The following MACROD2 variants were observed in gnomAD, a reference collection of about 807,000 sequenced individuals.
MACROD2 encodes ADP-ribose glycohydrolase MACROD2.
A neutral mutation model predicts 70.4 loss-of-function variants in MACROD2; 36 were observed. The observed-to-expected ratio is 0.51, with a 90% CI of 0.39 to 0.68. MACROD2 has a LOEUF of 0.68. Ranked by LOEUF, MACROD2 falls within the 30% of genes least tolerant of loss-of-function variation. The pLI, the probability that MACROD2 is intolerant of heterozygous loss-of-function variation, is 0.00. For synonymous variants in MACROD2, 172 were observed against 178.8 expected, an observed-to-expected ratio of 0.96 and a Z score of 0.30; for missense variants, 496 against 538.4, an observed-to-expected ratio of 0.92 and a Z score of 0.78.
intron 3 of MACROD2, among the ~76,000 whole-genome samples, chr20:14,373,336 T>C (rs924036565): frequency 2.6e-5 from 4 of 152,200 alleles, no homozygotes; most frequent in Non-Finnish European, 5.9e-5. Context: ...ATGTAATACA[T>C]TTGAATTATG....
At chr20:14,808,516 A>T (rs2072667961) in intron 5 of MACROD2, among the ~76,000 whole-genome samples, 1 of 152,128 alleles carries the variant, frequency 6.6e-6, no homozygotes, top group East Asian at 1.9e-4. Flanking sequence ...CTATGAAGAA[A>T]CTGCATAAAC....
rs180947326 is a variant in MACROD2 at position 14,147,837 on chromosome 20, A to G, written c.271+62109A>G. On this transcript the variant is annotated intron_variant, in intron 3 of 17. Transcript: ENST00000684519. ...TGCTGTATTTCTTTTTATTAAACCT[A>G]TTTTTAGAACCCTCATGCTGATCTC... 9.3e-4 allele frequency among the ~76,000 whole-genome samples: 141 copies of G among 152,110 alleles called. 1 individual carries two copies. The highest frequency in any genetic ancestry group is 3.1e-3 in the African/African-American group (130 of 41,502).
chr20:15,712,769 TAC>T (rs2050646638), intron 8 of MACROD2, among the ~76,000 whole-genome samples: 4 of 152,336 alleles, frequency 2.6e-5, no homozygotes, highest in South Asian at 4.1e-4. Flanking sequence ...ACCATCCATA[TAC>T]TAGCCCTTTG....
intron 8 of MACROD2, among the ~76,000 whole-genome samples, chr20:15,857,437 C>T (rs796148474): frequency 2.0e-5 from 3 of 152,274 alleles, no homozygotes; most frequent in South Asian, 2.1e-4. Flanking sequence ...GATGTCCTGC[C>T]GAAGGATCCA....
At chr20:15,115,066 C>T (rs2075982386) in intron 5 of MACROD2, among the ~76,000 whole-genome samples, 3 of 152,258 alleles carry the variant, frequency 2.0e-5, no homozygotes, top group Admixed American at 2.0e-4. Context: ...CTTTTTTATT[C>T]TGTGAGCTCC....
intron 6 of MACROD2, among the ~76,000 whole-genome samples, chr20:15,344,247 A>G (rs1026523570): frequency 6.6e-6 from 1 of 152,072 alleles, no homozygotes; most frequent in Non-Finnish European, 1.5e-5. Flanking sequence ...TCTTCTCTCT[A>G]ATCGTTTTAC....
intron 4 of MACROD2, among the ~76,000 whole-genome samples, chr20:14,515,473 A>ACGCGCGCGCGCG (rs1406815284): frequency 4.4e-4 from 30 of 67,548 alleles, no homozygotes; most frequent in Non-Finnish European, 7.8e-4. Flanking sequence ...ACGCACACAC[A>ACGCGCGCGCGCG]CACACACACA....
At chr20:14,104,620 T>G (rs896143207) in intron 3 of MACROD2, among the ~76,000 whole-genome samples, 4 of 152,186 alleles carry the variant, frequency 2.6e-5, no homozygotes, top group Non-Finnish European at 5.9e-5. Context: ...AGGTTTTACC[T>G]TAGGCAAGAA....
intron 5 of MACROD2, among the ~76,000 whole-genome samples, chr20:14,701,669 T>G (rs2071198324): frequency 6.6e-6 from 1 of 152,182 alleles, no homozygotes. Flanking sequence ...CAGATGAGAG[T>G]CCGTGCAATT....
chr20:15,553,971 C>T (rs1425252851), intron 8 of MACROD2, among the ~76,000 whole-genome samples: 2 of 152,112 alleles, frequency 1.3e-5, no homozygotes, highest in Non-Finnish European at 2.9e-5. Flanking sequence ...TTAGCAGTTT[C>T]ACATGGCCAC....
chr20:15,816,771 T>C (rs1023235741), intron 8 of MACROD2, among the ~76,000 whole-genome samples: 3 of 152,184 alleles, frequency 2.0e-5, no homozygotes, highest in Non-Finnish European at 2.9e-5. Flanking sequence ...AAAGAAAGGA[T>C]ATAGCAGGAT....
chr20:15,309,316 CTT>C (rs1173891337), intron 6 of MACROD2, among the ~76,000 whole-genome samples: 1 of 152,206 alleles, frequency 6.6e-6, no homozygotes, highest in East Asian at 1.9e-4. Context: ...TGGCCATTAT[CTT>C]TTCCTCCAGG....
At chr20:15,032,673 C>T (rs2075284818) in intron 5 of MACROD2, among the ~76,000 whole-genome samples, 1 of 152,188 alleles carries the variant, frequency 6.6e-6, no homozygotes, top group Non-Finnish European at 1.5e-5. Flanking sequence ...TTGACAGATC[C>T]TCAAAAAGTT....
intron 5 of MACROD2, among the ~76,000 whole-genome samples, chr20:15,102,166 TACAG>T (rs2075877867): frequency 1.3e-5 from 2 of 151,976 alleles, no homozygotes; most frequent in South Asian, 2.1e-4. Flanking sequence ...AATTGATAAA[TACAG>T]ACAGGCAAAT....
rs567218742 is a variant in MACROD2 at position 14,413,376 on chromosome 20, T to A, written c.272-80103T>A. Reference sequence around the variant, plus strand: ...GATATTTATAAGTTTAGAACATATTTTTTTCTTGCATTTGAACAATGTTCA... The same window carrying A: ...GATATTTATAAGTTTAGAACATATTATTTTCTTGCATTTGAACAATGTTCA... On this transcript the variant is annotated intron_variant, in intron 3 of 17. Coordinates refer to ENST00000684519, the MANE Select transcript of MACROD2 (RefSeq NM_001351661.2). Among the ~76,000 whole-genome samples, 161 of 151,996 alleles carry A rather than the reference T, an allele frequency of 1.1e-3. 1 individual carries two copies. The highest frequency in any genetic ancestry group is 3.6e-3 in the African/African-American group (148 of 41,518).
At chr20:14,876,691 A>G (rs1444252831) in intron 5 of MACROD2, among the ~76,000 whole-genome samples, 1 of 152,176 alleles carries the variant, frequency 6.6e-6, no homozygotes, top group Non-Finnish European at 1.5e-5. Context: ...ATGGCTAGCC[A>G]CTTATCCCAG....
chr20:14,321,444 T>A (rs1190181292), intron 3 of MACROD2, among the ~76,000 whole-genome samples: 1 of 152,118 alleles, frequency 6.6e-6, no homozygotes, highest in Non-Finnish European at 1.5e-5. Flanking sequence ...TAAAAAGTGA[T>A]TGATAAGCAG....
chr20:14,392,030 T>C (rs2083532379), intron 3 of MACROD2, among the ~76,000 whole-genome samples: 1 of 151,972 alleles, frequency 6.6e-6, no homozygotes. Flanking sequence ...CGACTTCTTT[T>C]TTTTTCAAAG....
At chr20:15,602,500 G>A (rs550842804) in intron 8 of MACROD2, among the ~76,000 whole-genome samples, 2 of 152,214 alleles carry the variant, frequency 1.3e-5, no homozygotes, top group East Asian at 1.9e-4. Context: ...CTGCCTTCTG[G>A]AGAACCCAAA....
Sources: allele counts gnomAD v4.1 joint callset (sites outside exome capture counted in the v4.1 genomes callset), GRCh38; gene constraint gnomAD v4.1.1; transcripts MANE v1.5; gene names NCBI Gene and HGNC (gene_info 2026-07-23, HGNC 2026-07-21).